Variants in CENPK observed in about 807,000 individuals in gnomAD.
CENPK encodes the protein SoxLZ/Sox6-binding protein Solt.
CENPK carries 46 observed loss-of-function variants against 40.9 expected under a neutral mutation model. The ratio of observed to expected loss-of-function variants is 1.13; its 90% CI spans 0.89 to 1.44. The LOEUF is 1.44. Ranked by LOEUF, CENPK falls within the 40% of genes most tolerant of loss-of-function variation. The probability of loss-of-function intolerance (pLI) is 0.00; values close to 1 mark genes in which losing one functional copy is unlikely to be tolerated. For missense variants in CENPK, 288 were observed against 303.5 expected, an observed-to-expected ratio of 0.95 and a Z score of 0.38; for synonymous variants, 107 against 104.4, an observed-to-expected ratio of 1.02 and a Z score of -0.15.
the CENPK span, among the ~76,000 whole-genome samples, chr5:65,503,186 T>C: frequency 1.5e-4 from 22 of 147,950 alleles, no homozygotes; most frequent in African/African-American, 5.5e-4. Context: ...CTCAGCTCAC[T>C]GCAAAATCTG....
the CENPK span, among the ~76,000 whole-genome samples, chr5:65,508,733 C>A: frequency 7.2e-6 from 1 of 139,444 alleles, no homozygotes; most frequent in African/African-American, 2.7e-5. Context: ...TTACAGTGAG[C>A]GGAGATCATG....
rs1475513577 is a variant in CENPK, at chr5:65,559,717, AC to A, written c.-40+1745del. On this transcript the variant is annotated intron_variant, in intron 2 of 10. Coordinates refer to ENST00000396679, the MANE Select transcript of CENPK (RefSeq NM_022145.5). Reference sequence around the variant, plus strand: ...CATGAAAAATAAGATGGGAGGACATACCCTACACTATTATGGCAATGTAGAA... The same window carrying A: ...CATGAAAAATAAGATGGGAGGACATACCTACACTATTATGGCAATGTAGAA... 1.9e-3 allele frequency among the ~76,000 whole-genome samples: 284 copies of A among 152,152 alleles called. 3 individuals carry two copies. The highest frequency in any genetic ancestry group is 6.7e-3 in the African/African-American group (280 of 41,520).
At chr5:65,519,796 T>G (rs757323808) in intron 10 of CENPK, among the ~76,000 whole-genome samples, 3 of 152,172 alleles carry the variant, frequency 2.0e-5, no homozygotes, top group Non-Finnish European at 4.4e-5. Flanking sequence ...TTCTTTTGAG[T>G]ATCATAATAT....
At chr5:65,521,216 T>G (rs575903428) in intron 10 of CENPK, among the ~76,000 whole-genome samples, 2 of 152,252 alleles carry the variant, frequency 1.3e-5, no homozygotes, top group African/African-American at 2.4e-5. Flanking sequence ...AAATTTTACC[T>G]GTAATAAATC....
exon 1 of CENPK, chr5:65,563,165 CTGCGCGCGCTGCATGCCCA>C: frequency 9.1e-7 from 1 of 1,093,904 alleles, no homozygotes; most frequent in Non-Finnish European, 1.3e-6. Context: ...CCCCGGACTT[CTGCGCGCGCTGCATGCCCA>C]TTGGATGTGC....
chr5:65,506,709 C>T, the CENPK span, among the ~76,000 whole-genome samples: 38 of 151,668 alleles, frequency 2.5e-4, no homozygotes, highest in African/African-American at 6.1e-4. Context: ...CTCTTGAATC[C>T]GATAAGAGGA....
intron 6 of CENPK, among the ~76,000 whole-genome samples, chr5:65,532,410 G>C (rs1328436545): frequency 6.6e-6 from 1 of 151,968 alleles, no homozygotes. Flanking sequence ...TCTGAGGCTG[G>C]TATTAACCTT....
At chr5:65,523,346 T>A (rs1744115082) in intron 9 of CENPK, among the ~76,000 whole-genome samples, 1 of 152,334 alleles carries the variant, frequency 6.6e-6, no homozygotes, top group East Asian at 1.9e-4. Context: ...GGTTTTGAAT[T>A]CAGACATTCA....
chr5:65,533,499 A>G (rs965871951), intron 6 of CENPK, among the ~76,000 whole-genome samples: 4 of 152,160 alleles, frequency 2.6e-5, no homozygotes, highest in African/African-American at 9.7e-5. Context: ...ATGCTTTCCG[A>G]TAACATCAGG....
intron 5 of CENPK, among the ~76,000 whole-genome samples, chr5:65,546,471 G>A (rs1749010017): frequency 6.6e-6 from 1 of 152,232 alleles, no homozygotes; most frequent in Admixed American, 6.5e-5. Flanking sequence ...AGGTGCCTAG[G>A]AGGTACAAAG....
At chr5:65,526,900 C>G (rs1041843933) in intron 9 of CENPK, among the ~76,000 whole-genome samples, 7 of 152,114 alleles carry the variant, frequency 4.6e-5, no homozygotes, top group African/African-American at 1.7e-4. Flanking sequence ...CGAGACCAGC[C>G]TGGCCAACAC....
chr5:65,515,713 T>A (rs1353055405), downstream of CENPK, among the ~76,000 whole-genome samples: 1 of 152,178 alleles, frequency 6.6e-6, no homozygotes, highest in East Asian at 1.9e-4. Flanking sequence ...AAGAATAAGT[T>A]AATTACCCTT....
In CENPK at chr5:65,521,155, G is replaced by A. The variant is rs567490991; in HGVS notation, c.651+320C>T. ...ATAGAATTTTACTCTGTAAATACTA[G>A]ATAACATCATTAAAAAAATTTTTTC... On this transcript the variant is annotated intron_variant, in intron 10 of 10. Transcript: ENST00000396679. 8.6e-5 allele frequency among the ~76,000 whole-genome samples: 13 copies of A among 151,738 alleles called. No homozygotes were observed. The South Asian group carries it at 2.1e-3, about 24-fold the overall frequency.
At chr5:65,544,177 G>A (rs1172624055) in intron 5 of CENPK, among the ~76,000 whole-genome samples, 1 of 152,100 alleles carries the variant, frequency 6.6e-6, no homozygotes, top group Admixed American at 6.5e-5. Context: ...CTTCCAAGAT[G>A]GTGTCTTCTT....
At chr5:65,548,811 T>G (rs1461318653) in intron 5 of CENPK, among the ~76,000 whole-genome samples, 3 of 152,156 alleles carry the variant, frequency 2.0e-5, no homozygotes, top group Non-Finnish European at 4.4e-5. Context: ...AGACTCCACT[T>G]CTAATTCTAG....
chr5:65,533,349 C>T (rs199963513), intron 6 of CENPK, among the ~76,000 whole-genome samples: 1 of 62,332 alleles, frequency 1.6e-5, no homozygotes, highest in Non-Finnish European at 3.3e-5. Flanking sequence ...GACCCTGTAT[C>T]AAAATAAATA....
At chr5:65,531,986 T>A (rs1386803707) in intron 6 of CENPK, among the ~76,000 whole-genome samples, 1 of 152,282 alleles carries the variant, frequency 6.6e-6, no homozygotes, top group South Asian at 2.1e-4. Context: ...AATTGGTTTT[T>A]TGAGAAGGTC....
intron 5 of CENPK, 122 bp from the exon 6 acceptor site, chr5:65,542,970 T>C: frequency 1.3e-6 from 1 of 767,186 alleles, no homozygotes; most frequent in Admixed American, 3.0e-5. Context: ...TATACAACTT[T>C]TTCTCCCCTC....
chr5:65,514,886 T>C (rs1433936232), downstream of CENPK, among the ~76,000 whole-genome samples: 1 of 152,224 alleles, frequency 6.6e-6, no homozygotes, highest in Non-Finnish European at 1.5e-5. Flanking sequence ...AATGTCCTAA[T>C]GTTCACAAGA....
Sources: allele counts gnomAD v4.1 joint callset (sites outside exome capture counted in the v4.1 genomes callset), GRCh38; gene constraint gnomAD v4.1.1; transcripts MANE v1.5; gene names NCBI Gene and HGNC (gene_info 2026-07-23, HGNC 2026-07-21).